Variants in VKORC1L1 observed in about 807,000 individuals in gnomAD.
VKORC1L1 encodes the protein vitamin K epoxide reductase complex subunit 1-like protein 1.
Under a neutral mutation model 18.9 loss-of-function variants are expected in VKORC1L1, and 2 were observed. The observed-to-expected ratio is 0.11, with a 90% CI of 0.04 to 0.33. VKORC1L1 has a LOEUF of 0.33. Among genes scored for constraint, VKORC1L1 ranks in the 10% least tolerant of loss-of-function variants. The pLI is 1.00. For missense variants in VKORC1L1, 123 were observed against 224.1 expected (o/e 0.55, Z 2.88); for synonymous variants, 96 against 100.0 (o/e 0.96, Z 0.24).
At chr7:65,885,224 T>A (rs908062407) in intron 1 of VKORC1L1, among the ~76,000 whole-genome samples, 1 of 152,136 alleles carries the variant, frequency 6.6e-6, no homozygotes, top group Non-Finnish European at 1.5e-5. Flanking sequence ...CCTTTGCCCA[T>A]TTTTTCCCTT....
chr7:65,889,349 A>T (rs980557405), intron 1 of VKORC1L1, among the ~76,000 whole-genome samples: 6 of 152,150 alleles, frequency 3.9e-5, no homozygotes, highest in African/African-American at 1.4e-4. Flanking sequence ...TATGTCCAAG[A>T]TTTATTTCAT....
Position 65,954,376 on chromosome 7 carries a change from T to A in VKORC1L1, c.*76T>A, listed in dbSNP as rs1460209725. 1.3e-6 allele frequency: 2 copies of A among 1,482,284 alleles called. No individual in the cohort carries two copies. The highest frequency in any genetic ancestry group is 1.8e-6 in the Non-Finnish European group (2 of 1,122,970). The allele number at this position is 1,482,284 out of a possible 1,614,324, so 91.8% of individuals were successfully genotyped here. On this transcript the variant is annotated 3_prime_UTR_variant, in exon 3 of 3. Transcript: ENST00000360768. ...ATTTTGCAGCAGGTTTTTATTATTA[T>A]TATTATTATTATTATTCACAACAGA... is the stretch of plus-strand genomic sequence containing the variant.
At position 65,933,828 on chromosome 7, in the gene VKORC1L1, G is replaced by A. The variant is rs544299045; in HGVS notation, c.195-14843G>A. Among the ~76,000 whole-genome samples, 3 of 152,114 alleles carry A rather than the reference G, an allele frequency of 2.0e-5. 1 individual carries two copies. Among genetic ancestry groups the A allele is most frequent in the East Asian group, 3.9e-4 (2 of 5,188 alleles). Reference sequence around the variant, plus strand: ...TATTTTTATCTCTGTGAATTCTTATGTGGTAGCTCTAGAGATTACAGTATG... The same window carrying A: ...TATTTTTATCTCTGTGAATTCTTATATGGTAGCTCTAGAGATTACAGTATG... On this transcript the variant is annotated intron_variant, in intron 1 of 2. Transcript: ENST00000360768.
chr7:65,899,942 G>T (rs1440631777), intron 1 of VKORC1L1, among the ~76,000 whole-genome samples: 1 of 151,560 alleles, frequency 6.6e-6, no homozygotes, highest in Non-Finnish European at 1.5e-5. Context: ...AGAGGTTGCA[G>T]TGACCCAAGA....
chr7:65,959,002 C>T lies in VKORC1L1; in HGVS notation c.*4702C>T, dbSNP rs1790349114. On this transcript the variant is annotated 3_prime_UTR_variant, in exon 3 of 3. Coordinates refer to ENST00000360768, the MANE Select transcript of VKORC1L1 (RefSeq NM_173517.6). ...TGTGTTCTGTGCTGGAGCTCAAGAC[C>T]TGTGGAAAGGGACTGCCCCCACTGG... The T allele has an allele frequency of 6.6e-6, 1 of 152,216 alleles. No homozygotes were observed. The highest frequency in any genetic ancestry group is 2.1e-4 in the South Asian group (1 of 4,834). The allele number at this position is 152,216 out of a possible 1,614,324, so 9.4% of individuals were successfully genotyped here.
rs534193719 is a variant in VKORC1L1, at chr7:65,899,915, G to A, written c.194+26350G>A. Among the ~76,000 whole-genome samples the A allele has an allele frequency of 5.4e-4, 81 of 151,326 alleles. 1 individual carries two copies. The highest frequency in any genetic ancestry group is 2.0e-3 in the African/African-American group (81 of 41,196). On this transcript the variant is annotated intron_variant, in intron 1 of 2. Transcript: ENST00000360768. ...CTCGGGAGGCTGAGGCAGGAGAATC[G>A]CTTGAACTCAGGCGGCAGAGGTTGC...
intron 1 of VKORC1L1, among the ~76,000 whole-genome samples, chr7:65,882,176 T>TG (rs1788939604): frequency 6.6e-6 from 1 of 151,968 alleles, no homozygotes; most frequent in Non-Finnish European, 1.5e-5. Flanking sequence ...GGTCGGGAGT[T>TG]GGAGACCAGC....
intron 1 of VKORC1L1, among the ~76,000 whole-genome samples, chr7:65,883,507 G>A (rs1186850916): frequency 6.8e-6 from 1 of 146,622 alleles, no homozygotes; most frequent in South Asian, 2.2e-4. Flanking sequence ...ATCTTTTTTT[G>A]TTTGTTTTTT....
chr7:65,888,405 AT>A (rs751608710), intron 1 of VKORC1L1, among the ~76,000 whole-genome samples: 9 of 152,160 alleles, frequency 5.9e-5, no homozygotes, highest in Non-Finnish European at 1.3e-4. Context: ...TTAAGCTTAA[AT>A]TGTTTCAAAC....
chr7:65,888,772 C>G (rs897553785), intron 1 of VKORC1L1, among the ~76,000 whole-genome samples: 2 of 152,210 alleles, frequency 1.3e-5, no homozygotes, highest in African/African-American at 4.8e-5. Flanking sequence ...TCAGTGTTCT[C>G]ACATCTGCCT....
chr7:65,879,127 C>G (rs1788880376), intron 1 of VKORC1L1, among the ~76,000 whole-genome samples: 1 of 152,050 alleles, frequency 6.6e-6, no homozygotes, highest in African/African-American at 2.4e-5. Flanking sequence ...ATGGAAGTAT[C>G]ACGTATGCAT....
At chr7:65,945,540 A>T (rs573653157) in intron 1 of VKORC1L1, among the ~76,000 whole-genome samples, 1,688 of 150,696 alleles carry the variant, frequency 0.011, 15 homozygotes, top group Non-Finnish European at 0.018. Context: ...TGAACCTGGG[A>T]GGCGGAACTT....
At position 65,873,228 on chromosome 7, in the gene VKORC1L1, C is replaced by G; in HGVS notation, c.-144C>G. 1 of 955,876 alleles carries G rather than the reference C, an allele frequency of 1.0e-6. No individual in the cohort carries two copies. Among genetic ancestry groups the G allele is most frequent in the Non-Finnish European group, 1.2e-6 (1 of 804,120 alleles). 59.2% of individuals were successfully genotyped at this position (955,876 alleles called of 1,614,324 possible). A position where few individuals can be genotyped will look rare whatever the true frequency, so the allele number is the denominator to read the frequency against. On this transcript the variant is annotated 5_prime_UTR_variant, in exon 1 of 3. Transcript: ENST00000360768. Reference sequence around the variant, plus strand: ...GCGGGGCCCGGAGCAGGCCACCGAGCCAATGGGGCGCGGCGGCGGCGGCGG... The same window carrying G: ...GCGGGGCCCGGAGCAGGCCACCGAGGCAATGGGGCGCGGCGGCGGCGGCGG...
At chr7:65,952,778 C>CTTTTTTTT (rs11395208) in intron 2 of VKORC1L1, among the ~76,000 whole-genome samples, 15 of 86,608 alleles carry the variant, frequency 1.7e-4, no homozygotes, top group African/African-American at 4.2e-4. Flanking sequence ...TTTTTTTTTC[C>CTTTTTTTT]TTTTTTTTTT....
At chr7:65,939,381 G>A (rs936834534) in intron 1 of VKORC1L1, among the ~76,000 whole-genome samples, 1 of 152,182 alleles carries the variant, frequency 6.6e-6, no homozygotes, top group African/African-American at 2.4e-5. Context: ...GTTTGGTCAT[G>A]GTGGCTTTCA....
intron 1 of VKORC1L1, among the ~76,000 whole-genome samples, chr7:65,883,086 G>A (rs1788954599): frequency 6.8e-6 from 1 of 146,272 alleles, no homozygotes; most frequent in Admixed American, 6.8e-5. Flanking sequence ...TAAAGTTGGT[G>A]TTCGTCAGAA....
chr7:65,940,101 T>C lies in VKORC1L1; in HGVS notation c.195-8570T>C, dbSNP rs146601763. ...ATGGAGCGATGTGATCCTTGTTCAC[T>C]GTGGCCTCGAACTGCTGGACTCAAG... On this transcript the variant is annotated intron_variant, in intron 1 of 2. Transcript: ENST00000360768. Among the ~76,000 whole-genome samples, 20 of 152,212 alleles carry C rather than the reference T, an allele frequency of 1.3e-4. No individual in the cohort carries two copies. In the East Asian group the frequency reaches 3.5e-3, roughly 26 times the overall value.
intron 1 of VKORC1L1, among the ~76,000 whole-genome samples, chr7:65,945,608 G>A (rs11979821): frequency 1.3e-5 from 2 of 149,082 alleles, no homozygotes; most frequent in Non-Finnish European, 3.0e-5. Context: ...ATGAGACTCC[G>A]TCTCAAAAAA....
At chr7:65,935,112 T>G (rs1437124210) in intron 1 of VKORC1L1, among the ~76,000 whole-genome samples, 2 of 152,034 alleles carry the variant, frequency 1.3e-5, no homozygotes, top group Non-Finnish European at 2.9e-5. Context: ...AAATTTCATA[T>G]TTCCCTCTGG....
Sources: allele counts gnomAD v4.1 joint callset (sites outside exome capture counted in the v4.1 genomes callset), GRCh38; gene constraint gnomAD v4.1.1; transcripts MANE v1.5; gene names NCBI Gene and HGNC (gene_info 2026-07-23, HGNC 2026-07-21).